Variants in BCL2L15 observed in about 807,000 individuals in gnomAD.
BCL2L15 encodes the protein BCL2 like 15.
BCL2L15 carries 15 observed loss-of-function variants against 18.3 expected under a neutral mutation model. The observed-to-expected ratio is 0.82, with a 90% confidence interval of 0.55 to 1.26. The LOEUF (loss-of-function observed/expected upper bound fraction) is 1.26, where lower values mean the gene tolerates loss of function less well. BCL2L15 is among the 50% of genes most tolerant of loss of function. The pLI is 0.00. For missense variants in BCL2L15, 180 were observed against 201.7 expected (o/e 0.89, Z 0.65); for synonymous variants, 58 against 68.5 (o/e 0.85, Z 0.76).
At position 113,878,451 on chromosome 1, in the gene BCL2L15, C is replaced by T. The variant is rs752480011; in HGVS notation, c.*2672G>A. On this transcript the variant is annotated 3_prime_UTR_variant, in exon 4 of 4. Coordinates refer to ENST00000393316, the MANE Select transcript of BCL2L15 (RefSeq NM_001010922.3). ...CAACACCTAGGCCAGAGCTGCTTAA[C>T]GCATTTGCCTAGTATAATCCCCGTG... is the stretch of plus-strand genomic sequence containing the variant. 6 of 152,346 alleles carry T rather than the reference C, an allele frequency of 3.9e-5. No homozygotes were observed. The highest frequency in any genetic ancestry group is 9.7e-5 in the African/African-American group (4 of 41,448). 9.4% of individuals were successfully genotyped at this position (152,346 alleles called of 1,614,324 possible). A position where few individuals can be genotyped will look rare whatever the true frequency, so the allele number is the denominator to read the frequency against.
intron 2 of BCL2L15, among the ~76,000 whole-genome samples, chr1:113,883,477 G>A (rs1467349175): frequency 1.6e-5 from 2 of 121,518 alleles, no homozygotes; most frequent in African/African-American, 4.3e-5. Flanking sequence ...GCAAGACTCC[G>A]TCTCAAAAAA....
chr1:113,881,088 A>G lies in BCL2L15; in HGVS notation c.*35T>C, dbSNP rs1666865212. Reference sequence around the variant, plus strand: ...TCAATCACCCAATCAGTCAACAAGGAAGTGATGTTCAGTCTCGTGAATAGC... The same window carrying G: ...TCAATCACCCAATCAGTCAACAAGGGAGTGATGTTCAGTCTCGTGAATAGC... On this transcript the variant is annotated 3_prime_UTR_variant, in exon 4 of 4. Transcript: ENST00000393316. 6.2e-7 allele frequency: 1 copy of G among 1,613,970 alleles called. No individual in the cohort carries two copies. The highest frequency in any genetic ancestry group is 1.1e-5 in the South Asian group (1 of 91,084).
chr1:113,883,409 G>A (rs1666939299), intron 2 of BCL2L15, among the ~76,000 whole-genome samples: 1 of 151,592 alleles, frequency 6.6e-6, no homozygotes, highest in Non-Finnish European at 1.5e-5. Flanking sequence ...GTGAACCGGG[G>A]AGGCAGAGGT....
At position 113,878,344 on chromosome 1, in the gene BCL2L15, A is replaced by G. The variant is rs1452516430; in HGVS notation, c.*2779T>C. On this transcript the variant is annotated 3_prime_UTR_variant, in exon 4 of 4. Transcript: ENST00000393316. ...TGTTAAAATCAGGCAATCTGAATCCATTTTTAATTCCTGGGTTACAATGTC... is the reference window on the plus strand; with the variant it reads ...TGTTAAAATCAGGCAATCTGAATCCGTTTTTAATTCCTGGGTTACAATGTC... The G allele has an allele frequency of 6.6e-6, 1 of 152,362 alleles. No individual in the cohort carries two copies. The highest frequency in any genetic ancestry group is 6.5e-5 in the Admixed American group (1 of 15,270). The allele number at this position is 152,362 out of a possible 1,614,324, so 9.4% of individuals were successfully genotyped here. A position where few individuals can be genotyped will look rare whatever the true frequency, so the allele number is the denominator to read the frequency against.
In BCL2L15 at chr1:113,880,743, T is replaced by C. The variant is rs1038676354; in HGVS notation, c.*380A>G. 9 of 198,908 alleles carry C rather than the reference T, an allele frequency of 4.5e-5. No individual in the cohort carries two copies. Among genetic ancestry groups the C allele is most frequent in the African/African-American group, 2.1e-4 (9 of 43,020 alleles). The allele number at this position is 198,908 out of a possible 1,614,324, so 12.3% of individuals were successfully genotyped here. A position where few individuals can be genotyped will look rare whatever the true frequency, so the allele number is the denominator to read the frequency against. On this transcript the variant is annotated 3_prime_UTR_variant, in exon 4 of 4. Transcript: ENST00000393316. Reference sequence around the variant, plus strand: ...CTACATCTGAAGAAATAGTTTCCATTGTTCTCCCTTTCTCTCAAAATACCT... The same window carrying C: ...CTACATCTGAAGAAATAGTTTCCATCGTTCTCCCTTTCTCTCAAAATACCT...
At position 113,878,709 on chromosome 1, in the gene BCL2L15, A is replaced by G. The variant is rs1666787798; in HGVS notation, c.*2414T>C. On this transcript the variant is annotated 3_prime_UTR_variant, in exon 4 of 4. Transcript: ENST00000393316. The stretch of plus-strand genomic sequence containing the variant: ...AACTCATCATCTTGAGTTTATAGTA[A>G]CATAAGGGACAAAGGAGTACAAGTT... 2 of 152,366 alleles carry G rather than the reference A, an allele frequency of 1.3e-5. No homozygotes were observed. The highest frequency in any genetic ancestry group is 2.9e-5 in the Non-Finnish European group (2 of 68,030). 9.4% of individuals were successfully genotyped at this position (152,366 alleles called of 1,614,324 possible).
rs1466568704 is a variant in BCL2L15 at position 113,878,695 on chromosome 1, T to C, written c.*2428A>G. On this transcript the variant is annotated 3_prime_UTR_variant, in exon 4 of 4. Coordinates refer to ENST00000393316, the MANE Select transcript of BCL2L15 (RefSeq NM_001010922.3). The stretch of plus-strand genomic sequence containing the variant: ...GTCAAATACCACAAAACTCATCATC[T>C]TGAGTTTATAGTAACATAAGGGACA... 1 of 152,344 alleles carries C rather than the reference T, an allele frequency of 6.6e-6. No individual in the cohort carries two copies. Among genetic ancestry groups the C allele is most frequent in the African/African-American group, 2.4e-5 (1 of 41,448 alleles). The allele number at this position is 152,344 out of a possible 1,614,324, so 9.4% of individuals were successfully genotyped here.
chr1:113,882,043 T>A, intron 2 of BCL2L15, 46 bp from the exon 3 acceptor site: 1 of 1,469,098 alleles, frequency 6.8e-7, no homozygotes, highest in Admixed American at 1.9e-5. Context: ...ACTCAAAAAG[T>A]GCAGGAGGCT....
At chr1:113,886,839 G>A (rs2358994) in intron 1 of BCL2L15, among the ~76,000 whole-genome samples, 181 bp from the exon 2 acceptor site, 25,122 of 151,944 alleles carry the variant, frequency 0.17, 3,150 homozygotes, top group East Asian at 0.61. Context: ...AACCTCTTTC[G>A]CTTTAGGTGT....
rs11354239 is a variant in BCL2L15, at chr1:113,880,922, AC to A, written c.*200del. 0.32 allele frequency: 212,165 copies of A among 657,330 alleles called. 39,990 individuals are homozygous for A. The highest frequency in any genetic ancestry group is 0.7 in the African/African-American group (38,457 of 54,684). The allele number at this position is 657,330 out of a possible 1,614,324, so 40.7% of individuals were successfully genotyped here. A position where few individuals can be genotyped will look rare whatever the true frequency, so the allele number is the denominator to read the frequency against. On this transcript the variant is annotated 3_prime_UTR_variant, in exon 4 of 4. Transcript: ENST00000393316. ...GTTTGCATTAAGTTGACAAAACAAA[AC>A]AAAACAAAAACCAACTCTGCAGGCC... is the stretch of plus-strand genomic sequence containing the variant.
At chr1:113,885,525 G>A (rs577437762) in intron 2 of BCL2L15, among the ~76,000 whole-genome samples, 51 of 151,950 alleles carry the variant, frequency 3.4e-4, no homozygotes, top group African/African-American at 1.1e-3. Context: ...GGGTTCAAGC[G>A]ATTCTCCTGC....
rs1666827502 is a variant in BCL2L15 at position 113,880,144 on chromosome 1, T to A, written c.*979A>T. 1 of 152,398 alleles carries A rather than the reference T, an allele frequency of 6.6e-6. No individual in the cohort carries two copies. Among genetic ancestry groups the A allele is most frequent in the Non-Finnish European group, 1.5e-5 (1 of 68,046 alleles). 9.4% of individuals were successfully genotyped at this position (152,398 alleles called of 1,614,324 possible). On this transcript the variant is annotated 3_prime_UTR_variant, in exon 4 of 4. Coordinates refer to ENST00000393316, the MANE Select transcript of BCL2L15 (RefSeq NM_001010922.3). ...TGCTGTCCTAGATGTGGGCCAGCAC[T>A]TCCTGCATCCTGTGGCAGTAAAAAT... is the stretch of plus-strand genomic sequence containing the variant.
Position 113,880,627 on chromosome 1 carries a change from A to G in BCL2L15, c.*496T>C, listed in dbSNP as rs1666851559. On this transcript the variant is annotated 3_prime_UTR_variant, in exon 4 of 4. Coordinates refer to ENST00000393316, the MANE Select transcript of BCL2L15 (RefSeq NM_001010922.3). ...GGTGACAGAGTGAGACTACGTCTAA[A>G]AAAAAAAAAACAAGATTTTTCAACC... 1 of 156,218 alleles carries G rather than the reference A, an allele frequency of 6.4e-6. No homozygotes were observed. Among genetic ancestry groups the G allele is most frequent in the African/African-American group, 2.4e-5 (1 of 41,426 alleles). 9.7% of individuals were successfully genotyped at this position (156,218 alleles called of 1,614,324 possible).
chr1:113,879,670 A>G lies in BCL2L15; in HGVS notation c.*1453T>C, dbSNP rs917053060. Reference sequence around the variant, plus strand: ...ATAGAGTTTCAGTTACCAAGGAGAAATGTTGATTTAGAGAAGGGGTCAGCC... The same window carrying G: ...ATAGAGTTTCAGTTACCAAGGAGAAGTGTTGATTTAGAGAAGGGGTCAGCC... On this transcript the variant is annotated 3_prime_UTR_variant, in exon 4 of 4. Coordinates refer to ENST00000393316, the MANE Select transcript of BCL2L15 (RefSeq NM_001010922.3). The G allele has an allele frequency of 2.6e-5, 4 of 152,172 alleles. No homozygotes were observed. The highest frequency in any genetic ancestry group is 9.7e-5 in the African/African-American group (4 of 41,444). 9.4% of individuals were successfully genotyped at this position (152,172 alleles called of 1,614,324 possible). A position where few individuals can be genotyped will look rare whatever the true frequency, so the allele number is the denominator to read the frequency against.
In BCL2L15 at chr1:113,879,203, C is replaced by T. The variant is rs1446470329; in HGVS notation, c.*1920G>A. ...TATTAACAGCACTACATATTTACTT[C>T]TCTGCATTTAGAGGAGATACATAGA... On this transcript the variant is annotated 3_prime_UTR_variant, in exon 4 of 4. Transcript: ENST00000393316. The T allele has an allele frequency of 6.6e-6, 1 of 152,338 alleles. No homozygotes were observed. The highest frequency in any genetic ancestry group is 6.5e-5 in the Admixed American group (1 of 15,274). 9.4% of individuals were successfully genotyped at this position (152,338 alleles called of 1,614,324 possible).
chr1:113,883,838 T>C lies in BCL2L15; in HGVS notation c.250-1841A>G, dbSNP rs531707970. Reference sequence around the variant, plus strand: ...AGAATGGTTGATTTCAGTTTGGGGCTAGGGAAGTATAAGATATTCTGTCAG... The same window carrying C: ...AGAATGGTTGATTTCAGTTTGGGGCCAGGGAAGTATAAGATATTCTGTCAG... On this transcript the variant is annotated intron_variant, in intron 2 of 3. Coordinates refer to ENST00000393316, the MANE Select transcript of BCL2L15 (RefSeq NM_001010922.3). 7.2e-5 allele frequency among the ~76,000 whole-genome samples: 11 copies of C among 152,188 alleles called. No individual in the cohort carries two copies. In the South Asian group the frequency reaches 2.1e-3, roughly 29 times the overall value.
Position 113,881,000 on chromosome 1 carries a change from T to G in BCL2L15, c.*123A>C, listed in dbSNP as rs1285205893. On this transcript the variant is annotated 3_prime_UTR_variant, in exon 4 of 4. Coordinates refer to ENST00000393316, the MANE Select transcript of BCL2L15 (RefSeq NM_001010922.3). ...ATCAGTAAAAAATAACTTATTCAGC[T>G]AAGTTCAGTTCTGATAAAATGAAAA... The G allele has an allele frequency of 7.3e-7, 1 of 1,375,968 alleles. No homozygotes were observed. Among genetic ancestry groups the G allele is most frequent in the African/African-American group, 1.4e-5 (1 of 69,326 alleles). 85.2% of individuals were successfully genotyped at this position (1,375,968 alleles called of 1,614,324 possible).
Position 113,887,407 on chromosome 1 carries a change from C to T in BCL2L15, c.-32G>A. On this transcript the variant is annotated 5_prime_UTR_variant, in exon 1 of 4. Coordinates refer to ENST00000393316, the MANE Select transcript of BCL2L15 (RefSeq NM_001010922.3). The stretch of plus-strand genomic sequence containing the variant: ...TGTTTGCTGTCAAGTTTTGCTTTTC[C>T]ACGAAACAAGCAGTTTTCAGCCCAG... The T allele has an allele frequency of 6.2e-7, 1 of 1,613,484 alleles. No individual in the cohort carries two copies. The highest frequency in any genetic ancestry group is 8.5e-7 in the Non-Finnish European group (1 of 1,179,594).
intron 2 of BCL2L15, among the ~76,000 whole-genome samples, chr1:113,884,227 G>C (rs1666965094): frequency 6.6e-6 from 1 of 152,186 alleles, no homozygotes; most frequent in Non-Finnish European, 1.5e-5. Flanking sequence ...TGTGCCAATT[G>C]ATGCAATGCA....
Sources: allele counts gnomAD v4.1 joint callset (sites outside exome capture counted in the v4.1 genomes callset), GRCh38; gene constraint gnomAD v4.1.1; transcripts MANE v1.5; gene names NCBI Gene and HGNC (gene_info 2026-07-23, HGNC 2026-07-21).